Variants in TRMT10B observed in about 807,000 individuals in gnomAD.
TRMT10B encodes tRNA methyltransferase 10 homolog B.
In TRMT10B, 33 loss-of-function variants were observed where a neutral mutation model predicts 43.8. The ratio of observed to expected loss-of-function variants is 0.75; its 90% CI spans 0.57 to 1.01. TRMT10B has a LOEUF of 1.01. TRMT10B is among the 50% of genes least tolerant of loss of function. The pLI is 0.00. For synonymous variants in TRMT10B, 137 were observed against 130.6 expected (o/e 1.05, Z -0.34); for missense variants, 362 against 369.8 (o/e 0.98, Z 0.17).
rs373138178 is a variant in TRMT10B at position 37,756,525 on chromosome 9, G to A, written c.-30+2673G>A. 1.4e-4 allele frequency among the ~76,000 whole-genome samples: 22 copies of A among 152,020 alleles called. 1 individual carries two copies. In the South Asian group the frequency reaches 4.6e-3, roughly 32 times the overall value. On this transcript the variant is annotated intron_variant, in intron 1 of 8. Transcript: ENST00000297994. ...GTTTGAGACCAGCCTGGCCAACTTGGTGAAACCTGATCTCTACTTAAAATG... is the reference window on the plus strand; with the variant it reads ...GTTTGAGACCAGCCTGGCCAACTTGATGAAACCTGATCTCTACTTAAAATG...
rs1190985468 is a variant in TRMT10B, at chr9:37,778,801, C to T, written c.*1094C>T. 6.6e-6 allele frequency: 1 copy of T among 152,196 alleles called. No individual in the cohort carries two copies. Among genetic ancestry groups the T allele is most frequent in the African/African-American group, 2.4e-5 (1 of 41,432 alleles). 9.4% of individuals were successfully genotyped at this position (152,196 alleles called of 1,614,324 possible). On this transcript the variant is annotated 3_prime_UTR_variant, in exon 9 of 9. Coordinates refer to ENST00000297994, the MANE Select transcript of TRMT10B (RefSeq NM_144964.4). Reference sequence around the variant, plus strand: ...ATTTTGTTCCCTCCTGTGGCTCTTACCTTGTTCTCCCTTGCAGAGTATGGG... The same window carrying T: ...ATTTTGTTCCCTCCTGTGGCTCTTATCTTGTTCTCCCTTGCAGAGTATGGG...
rs1420859628 is a variant in TRMT10B, at chr9:37,762,719, T to A, written c.295+34T>A. ...AAATGAGACTGTTGGTATAATAATA[T>A]TTATTTTTTAGCAAACGTGTCTGCA... On this transcript the variant is annotated intron_variant, in intron 3 of 8. Coordinates refer to ENST00000297994, the MANE Select transcript of TRMT10B (RefSeq NM_144964.4). 2.4e-5 allele frequency: 36 copies of A among 1,531,076 alleles called. No individual in the cohort carries two copies. The East Asian group carries it at 3.1e-4, about 13-fold the overall frequency. The allele number at this position is 1,531,076 out of a possible 1,614,324, so 94.8% of individuals were successfully genotyped here.
intron 1 of TRMT10B, among the ~76,000 whole-genome samples, chr9:37,756,745 C>A (rs546212088): frequency 6.7e-6 from 1 of 149,052 alleles, no homozygotes; most frequent in Non-Finnish European, 1.5e-5. Context: ...TATATATACA[C>A]ACACACACAT....
intron 4 of TRMT10B, among the ~76,000 whole-genome samples, chr9:37,764,315 A>AT (rs753115932): frequency 0.032 from 3,515 of 110,496 alleles, 71 homozygotes; most frequent in East Asian, 0.066. Context: ...CGCCTGACAA[A>AT]TTTTTTTTTT....
chr9:37,775,128 G>A (rs900197385), intron 7 of TRMT10B, among the ~76,000 whole-genome samples: 8 of 152,190 alleles, frequency 5.3e-5, no homozygotes, highest in African/African-American at 1.9e-4. Flanking sequence ...CCTATCAGCT[G>A]GTACTATCAA....
intron 1 of TRMT10B, among the ~76,000 whole-genome samples, chr9:37,756,819 T>TGC (rs10636247): frequency 0.023 from 2,191 of 95,856 alleles, 26 homozygotes; most frequent in Middle Eastern, 0.05. Flanking sequence ...TGTGTGCATA[T>TGC]GTGTGTATGC....
At chr9:37,759,311 C>T (rs1197684380) in intron 1 of TRMT10B, among the ~76,000 whole-genome samples, 2 of 152,180 alleles carry the variant, frequency 1.3e-5, no homozygotes, top group Non-Finnish European at 2.9e-5. Context: ...AAAGCAACTA[C>T]TGATACATGC....
In TRMT10B at chr9:37,777,810, A is replaced by G; in HGVS notation, c.*103A>G. 2.3e-6 allele frequency: 2 copies of G among 878,868 alleles called. No homozygotes were observed. Among genetic ancestry groups the G allele is most frequent in the South Asian group, 2.9e-5 (2 of 67,990 alleles). The allele number at this position is 878,868 out of a possible 1,614,324, so 54.4% of individuals were successfully genotyped here. On this transcript the variant is annotated 3_prime_UTR_variant, in exon 9 of 9. Transcript: ENST00000297994. Reference sequence around the variant, plus strand: ...CACCTGAGGTCAGGAGTTCACGACCAGCCTGGCCAACATGGTGAAACCCTT... The same window carrying G: ...CACCTGAGGTCAGGAGTTCACGACCGGCCTGGCCAACATGGTGAAACCCTT...
intron 1 of TRMT10B, among the ~76,000 whole-genome samples, chr9:37,759,006 A>G (rs1826006507): frequency 6.6e-6 from 1 of 152,210 alleles, no homozygotes; most frequent in Admixed American, 6.5e-5. Flanking sequence ...ACGGGTCCCC[A>G]GATGGTGGTG....
intron 2 of TRMT10B, 169 bp from the exon 3 acceptor site, chr9:37,762,408 T>A: frequency 9.7e-7 from 1 of 1,033,702 alleles, no homozygotes; most frequent in Non-Finnish European, 1.4e-6. Context: ...TTTCTGGGGC[T>A]CTGTTTTCTC....
At chr9:37,754,511 T>C (rs919212036) in intron 1 of TRMT10B, among the ~76,000 whole-genome samples, 3 of 151,958 alleles carry the variant, frequency 2.0e-5, no homozygotes, top group Non-Finnish European at 4.4e-5. Context: ...TACTGCAGGG[T>C]TCTAAGCAGA....
chr9:37,767,513 C>CAAAAAAAAAAAAAAAATAAAAAA (rs1827106633), intron 4 of TRMT10B: 1 of 78,048 alleles, frequency 1.3e-5, no homozygotes, highest in African/African-American at 6.7e-5. Flanking sequence ...ACCCTGTCTC[C>CAAAAAAAAAAAAAAAATAAAAAA]AAAAAAAAAA....
At chr9:37,767,512 C>CAAAAAAAAAAAAAAAAAAAAAAAAAA (rs1376563452) in intron 4 of TRMT10B, 12 of 60,852 alleles carry the variant, frequency 2.0e-4, no homozygotes, top group Non-Finnish European at 2.8e-4. Context: ...GACCCTGTCT[C>CAAAAAAAAAAAAAAAAAAAAAAAAAA]CAAAAAAAAA....
Position 37,762,047 on chromosome 9 carries a change from T to C in TRMT10B, c.116T>C (p.Leu39Pro), listed in dbSNP as rs1826395903. 1.2e-6 allele frequency: 2 copies of C among 1,614,004 alleles called. No homozygotes were observed. Among genetic ancestry groups the C allele is most frequent in the Non-Finnish European group, 1.7e-6 (2 of 1,180,026 alleles). The change falls in exon 2 of 9, where the codon CTG becomes CCG. Residue 39 changes from leucine to proline, a missense_variant. By Grantham distance (98) the Leu-to-Pro change is moderately conservative. Transcript: ENST00000297994. ...EDGLPEGFQL[L>P]QIDAEGECQE... ...GGACTTCCTGAAGGCTTCCAGCTTC[T>C]GCAGATCGATGCGGAAGGCGAGTGC...
chr9:37,760,556 ATTC>A (rs1826217589), intron 1 of TRMT10B, among the ~76,000 whole-genome samples: 1 of 152,214 alleles, frequency 6.6e-6, no homozygotes, highest in South Asian at 2.1e-4. Flanking sequence ...AGCGATTTGA[ATTC>A]TTATGTTTCA....
chr9:37,756,788 A>T (rs980813049), intron 1 of TRMT10B, among the ~76,000 whole-genome samples: 1 of 143,796 alleles, frequency 7.0e-6, no homozygotes, highest in Admixed American at 7.0e-5. Flanking sequence ...ATGTGTATAC[A>T]TACATGTGTA....
intron 1 of TRMT10B, among the ~76,000 whole-genome samples, chr9:37,758,707 T>G (rs193224551): frequency 4.6e-5 from 7 of 152,346 alleles, no homozygotes; most frequent in African/African-American, 1.4e-4. Context: ...GAATGGGTAT[T>G]GGACTTACCT....
At chr9:37,770,584 T>C in intron 6 of TRMT10B, 88 bp from the exon 7 acceptor site, 1 of 1,220,994 alleles carries the variant, frequency 8.2e-7, no homozygotes, top group East Asian at 2.5e-5. Flanking sequence ...TTTCTACTTT[T>C]ATTGTTAATA....
At chr9:37,763,173 A>AC (rs1826600432) in intron 3 of TRMT10B, among the ~76,000 whole-genome samples, 1 of 138,554 alleles carries the variant, frequency 7.2e-6, no homozygotes. Flanking sequence ...AAACAAAAAA[A>AC]AAAATTTAAG....
Sources: allele counts gnomAD v4.1 joint callset (sites outside exome capture counted in the v4.1 genomes callset), GRCh38; gene constraint gnomAD v4.1.1; transcripts MANE v1.5; gene names NCBI Gene and HGNC (gene_info 2026-07-23, HGNC 2026-07-21).